The following RBBP8 variants were observed in gnomAD, a reference collection of about 807,000 sequenced individuals.
RBBP8 encodes RB binding protein 8, endonuclease, also known as DNA endonuclease RBBP8.
In RBBP8, 88 loss-of-function variants were observed where a neutral mutation model predicts 108.3. The observed-to-expected ratio is 0.81, with a 90% CI of 0.68 to 0.97. The LOEUF is 0.97. Among genes scored for constraint, RBBP8 ranks in the 50% least tolerant of loss-of-function variants. RBBP8 has a pLI of 0.00. For synonymous variants in RBBP8, 332 were observed against 348.2 expected, an observed-to-expected ratio of 0.95 and a Z score of 0.52; for missense variants, 1,023 against 1,049.0, an observed-to-expected ratio of 0.98 and a Z score of 0.34.
rs552593133 is a variant in RBBP8 at position 23,012,810 on chromosome 18, A to G, written c.2358-4018A>G. On this transcript the variant is annotated intron_variant, in intron 16 of 18. Coordinates refer to ENST00000327155, the MANE Select transcript of RBBP8 (RefSeq NM_002894.3). ...CAGCCTTCTATTGGAAGAAGATGCC[A>G]TCTATGACTTTGATAACTAGAGAGG... Among the ~76,000 whole-genome samples, 130 of 152,350 alleles carry G rather than the reference A, an allele frequency of 8.5e-4. No individual in the cohort carries two copies. The Middle Eastern group carries it at 0.017, about 20-fold the overall frequency.
chr18:22,996,284 T>C, intron 12 of RBBP8, 90 bp from the exon 13 acceptor site: 1 of 1,549,392 alleles, frequency 6.5e-7, no homozygotes, highest in South Asian at 1.2e-5. Context: ...TTTGCAAAAA[T>C]TTTCTATTCT....
In RBBP8 at chr18:22,949,650, A is replaced by G; in HGVS notation, c.185A>G (p.Lys62Arg). The change falls in exon 4 of 19, where the codon AAA (lysine) becomes AGA (arginine). Residue 62 changes from lysine to arginine, a missense_variant. Transcript: ENST00000327155. The stretch of plus-strand genomic sequence containing the variant: ...CAAAGACTAGAAGAATTCTTCACCA[A>G]AAATCAACAGCTGAGGGAACAGCAG... ...DAQRLEEFFTKNQQLREQQKV... is the reference protein window; with the variant it reads ...DAQRLEEFFTRNQQLREQQKV... 3 of 1,613,486 alleles carry G rather than the reference A, an allele frequency of 1.9e-6. No homozygotes were observed. Among genetic ancestry groups the G allele is most frequent in the Non-Finnish European group, 2.5e-6 (3 of 1,179,622 alleles).
chr18:22,914,262 T>C (rs1283490075), exon 1 of RBBP8: 2 of 152,206 alleles, frequency 1.3e-5, no homozygotes, highest in Non-Finnish European at 2.9e-5. Flanking sequence ...GTGAAACAAT[T>C]TCTGCTTTTC....
At chr18:22,978,874 TA>T (rs1914684812) in intron 6 of RBBP8, among the ~76,000 whole-genome samples, 1 of 152,240 alleles carries the variant, frequency 6.6e-6, no homozygotes, top group African/African-American at 2.4e-5. Flanking sequence ...TGTGAAGTGA[TA>T]GATGTTAATT....
At chr18:23,025,931 T>C (rs2046443840) in intron 18 of RBBP8, among the ~76,000 whole-genome samples, 1 of 152,242 alleles carries the variant, frequency 6.6e-6, no homozygotes, top group Admixed American at 6.5e-5. Context: ...TGAGATGATA[T>C]ATGTAACCAT....
chr18:22,999,771 C>G (rs898555631), intron 14 of RBBP8, among the ~76,000 whole-genome samples: 1 of 152,104 alleles, frequency 6.6e-6, no homozygotes, highest in Non-Finnish European at 1.5e-5. Flanking sequence ...TTTTCATGCA[C>G]CTACTCTGTT....
intron 4 of RBBP8, among the ~76,000 whole-genome samples, chr18:22,965,581 T>C (rs1598674870): frequency 6.6e-6 from 1 of 152,202 alleles, no homozygotes; most frequent in Non-Finnish European, 1.5e-5. Flanking sequence ...ATTTCATTAT[T>C]GTACTCCTAC....
chr18:22,994,985 C>G (rs1202942431), intron 12 of RBBP8, among the ~76,000 whole-genome samples: 2 of 152,148 alleles, frequency 1.3e-5, no homozygotes, highest in Non-Finnish European at 2.9e-5. Flanking sequence ...CTTGGCCTCC[C>G]AAAGTGCTGG....
At chr18:22,934,586 A>G (rs1411061856) in intron 1 of RBBP8, among the ~76,000 whole-genome samples, 2 of 151,782 alleles carry the variant, frequency 1.3e-5, no homozygotes, top group Non-Finnish European at 2.9e-5. Context: ...GGTTTGTTAC[A>G]TATGCATACA....
chr18:22,923,574 A>C (rs912788512), intron 3 of RBBP8, among the ~76,000 whole-genome samples: 2 of 152,212 alleles, frequency 1.3e-5, no homozygotes, highest in African/African-American at 4.8e-5. Flanking sequence ...AGTGAGGGAA[A>C]TAAGACTTGT....
chr18:22,962,142 A>C lies in RBBP8; in HGVS notation c.249-6664A>C, dbSNP rs140221795. 8.4e-4 allele frequency among the ~76,000 whole-genome samples: 128 copies of C among 152,220 alleles called. No homozygotes were observed. The Middle Eastern group carries it at 0.017, about 20-fold the overall frequency. ...TGTAGAATTGCTGCCCATTGGTCCTAGTTTTAGTCCTTTAGATCATAAATC... is the reference window on the plus strand; with the variant it reads ...TGTAGAATTGCTGCCCATTGGTCCTCGTTTTAGTCCTTTAGATCATAAATC... On this transcript the variant is annotated intron_variant, in intron 4 of 18. Coordinates refer to ENST00000327155, the MANE Select transcript of RBBP8 (RefSeq NM_002894.3).
rs73964398 is a variant in RBBP8, at chr18:22,940,103, T to C, written c.109+3143T>C. On this transcript the variant is annotated intron_variant, in intron 2 of 18. Transcript: ENST00000327155. ...GAAATGTACATAGATCCAAATTATGTAAAATGGTATGTGCTATGCTGAAGA... is the reference window on the plus strand; with the variant it reads ...GAAATGTACATAGATCCAAATTATGCAAAATGGTATGTGCTATGCTGAAGA... Among the ~76,000 whole-genome samples, 237 of 152,128 alleles carry C rather than the reference T, an allele frequency of 1.6e-3. 4 individuals are homozygous for C. Among genetic ancestry groups the C allele is most frequent in the African/African-American group, 5.5e-3 (226 of 41,414 alleles).
At chr18:23,013,499 A>T (rs559038994) in intron 16 of RBBP8, among the ~76,000 whole-genome samples, 1 of 152,202 alleles carries the variant, frequency 6.6e-6, no homozygotes, top group South Asian at 2.1e-4. Flanking sequence ...CCAAGGTTTT[A>T]TAATAGTAAT....
chr18:23,026,312 T>G lies in RBBP8; in HGVS notation c.*72T>G. The G allele has an allele frequency of 3.3e-6, 4 of 1,228,790 alleles. No individual in the cohort carries two copies. Among genetic ancestry groups the G allele is most frequent in the Admixed American group, 1.9e-5 (1 of 53,334 alleles). The allele number at this position is 1,228,790 out of a possible 1,614,324, so 76.1% of individuals were successfully genotyped here. On this transcript the variant is annotated 3_prime_UTR_variant, in exon 19 of 19. Transcript: ENST00000327155. The stretch of plus-strand genomic sequence containing the variant: ...AGTTATTTATAGTTAAAGTTGGTAC[T>G]AAACATTGATTTTTTTGATCTTCTG...
chr18:23,022,691 G>A (rs1228808699), intron 18 of RBBP8, among the ~76,000 whole-genome samples: 1 of 140,236 alleles, frequency 7.1e-6, no homozygotes, highest in Non-Finnish European at 1.6e-5. Flanking sequence ...ATGCCCAAAT[G>A]TGAACATGCA....
At chr18:22,919,644 C>T (rs1267634331) in intron 3 of RBBP8, among the ~76,000 whole-genome samples, 1 of 152,064 alleles carries the variant, frequency 6.6e-6, no homozygotes, top group African/African-American at 2.4e-5. Context: ...CTCTGCCTAC[C>T]AGGTTCAAGC....
At chr18:22,964,425 A>G (rs1451039301) in intron 4 of RBBP8, among the ~76,000 whole-genome samples, 2 of 116,140 alleles carry the variant, frequency 1.7e-5, no homozygotes, top group East Asian at 4.6e-4. Context: ...CATGTTCTTG[A>G]TTTTCTTCAC....
intron 3 of RBBP8, among the ~76,000 whole-genome samples, chr18:22,949,387 A>G (rs917142396): frequency 1.3e-5 from 2 of 152,342 alleles, no homozygotes; most frequent in Non-Finnish European, 1.5e-5. Flanking sequence ...TTTGATAGCT[A>G]TTTTGACAAA....
At chr18:23,022,373 G>A (rs2046360246) in intron 18 of RBBP8, 103 bp downstream of exon 18, 1 of 1,141,822 alleles carries the variant, frequency 8.8e-7, no homozygotes, top group Non-Finnish European at 1.2e-6. Context: ...GGCCAAGGTG[G>A]GTGGATCACC....
Sources: gnomAD v4.1 joint callset for allele counts (sites outside exome capture counted in the v4.1 genomes callset) on GRCh38, gnomAD v4.1.1 for gene constraint, MANE v1.5 for transcripts, NCBI Gene and HGNC (gene_info 2026-07-23, HGNC 2026-07-21) for gene names.